SLF2: variants seen among roughly 807,000 people sequenced by gnomAD.
SLF2 encodes the protein SMC5-SMC6 complex localization factor protein 2.
A neutral mutation model predicts 124.3 loss-of-function variants in SLF2; 68 were observed. The ratio of observed to expected loss-of-function variants is 0.55; its 90% confidence interval spans 0.45 to 0.67. The LOEUF (loss-of-function observed/expected upper bound fraction) is 0.67, where lower values mean the gene tolerates loss of function less well. Ranked by LOEUF, SLF2 falls within the 30% of genes least tolerant of loss-of-function variation. The pLI, the probability that SLF2 is intolerant of heterozygous loss-of-function variation, is 0.00. For synonymous variants in SLF2, 480 were observed against 478.8 expected, an observed-to-expected ratio of 1.00 and a Z score of -0.03; for missense variants, 1,246 against 1,373.7, an observed-to-expected ratio of 0.91 and a Z score of 1.47.
At chr10:100,931,282 C>T (rs1178608615) in intron 9 of SLF2, among the ~76,000 whole-genome samples, 1 of 152,184 alleles carries the variant, frequency 6.6e-6, no homozygotes, top group African/African-American at 2.4e-5. Flanking sequence ...ACAGGACAGT[C>T]AGTGTTAGTT....
In SLF2 at chr10:100,931,085, G is replaced by A. The variant is rs752672211; in HGVS notation, c.2436+7G>A. The A allele has an allele frequency of 6.2e-7, 1 of 1,602,420 alleles. No individual in the cohort carries two copies. Among genetic ancestry groups the A allele is most frequent in the South Asian group, 1.1e-5 (1 of 90,338 alleles). On this transcript the variant is annotated splice_region_variant and intron_variant, in intron 9 of 19. Transcript: ENST00000238961. ...GTTAAAGTGGCTGTTTCGGGTAAGAGGAATGTTTAGAGGGTTATAGTTGCC... is the reference window on the plus strand; with the variant it reads ...GTTAAAGTGGCTGTTTCGGGTAAGAAGAATGTTTAGAGGGTTATAGTTGCC...
In SLF2 at chr10:100,962,837, G is replaced by GTGTA. The variant is rs1330859463; in HGVS notation, c.*929_*932dup. On this transcript the variant is annotated 3_prime_UTR_variant, in exon 20 of 20. Transcript: ENST00000238961. The stretch of plus-strand genomic sequence containing the variant: ...CTGAATTCTTTGGGACACTGTGTCT[G>GTGTA]TGTATGTGTGTGTGTGTGTGTGTGT... The GTGTA allele has an allele frequency of 8.1e-5, 12 of 148,902 alleles. No homozygotes were observed. Among genetic ancestry groups the GTGTA allele is most frequent in the African/African-American group, 2.3e-4 (9 of 38,850 alleles). 9.2% of individuals were successfully genotyped at this position (148,902 alleles called of 1,614,324 possible).
At chr10:100,950,810 A>G in intron 17 of SLF2, 57 bp downstream of exon 17, 1 of 1,332,480 alleles carries the variant, frequency 7.5e-7, no homozygotes, top group Non-Finnish European at 1.1e-6. Flanking sequence ...CTGATGATGG[A>G]ATGAGTGAGC....
At chr10:100,949,958 TGTAAA>T (rs1850178574) in intron 15 of SLF2, 113 bp from the exon 16 acceptor site, 1 of 1,004,324 alleles carries the variant, frequency 1.0e-6, no homozygotes. Context: ...TATTGTTAAG[TGTAAA>T]GAAAGCTATA....
chr10:100,944,069 T>A lies in SLF2; in HGVS notation c.2698T>A (p.Ser900Thr). The A allele has an allele frequency of 6.2e-7, 1 of 1,613,066 alleles. No individual in the cohort carries two copies. Among genetic ancestry groups the A allele is most frequent in the Non-Finnish European group, 8.5e-7 (1 of 1,179,658 alleles). ...TTSRGKESED[S>T]SYKPIFSTLP... is the part of the protein sequence containing the mutation. Reference sequence around the variant, plus strand: ...ATCAAGGGGGAAAGAAAGTGAAGATTCATCTTATAAGCCAATTTTTTCAAC... The same window carrying A: ...ATCAAGGGGGAAAGAAAGTGAAGATACATCTTATAAGCCAATTTTTTCAAC... The change falls in exon 12 of 20, where the codon TCA (serine) becomes ACA (threonine). Residue 900 changes from serine (S) to threonine (T), a missense_variant. Physicochemically the swap from Ser to Thr is moderately conservative, Grantham distance 58 (BLOSUM62 1). This residue lies in a region of SLF2 where 535 missense variants were observed against 632.8 expected (regional missense o/e 0.85). Coordinates refer to ENST00000238961, the MANE Select transcript of SLF2 (RefSeq NM_018121.4).
At position 100,950,540 on chromosome 10, in the gene SLF2, G is replaced by C; in HGVS notation, c.3253-136G>C. The C allele has an allele frequency of 4.2e-6, 3 of 721,272 alleles. No homozygotes were observed. In the South Asian group the frequency reaches 5.8e-5, roughly 14 times the overall value. The allele number at this position is 721,272 out of a possible 1,614,324, so 44.7% of individuals were successfully genotyped here. A position where few individuals can be genotyped will look rare whatever the true frequency, so the allele number is the denominator to read the frequency against. On this transcript the variant is annotated intron_variant, in intron 16 of 19. Coordinates refer to ENST00000238961, the MANE Select transcript of SLF2 (RefSeq NM_018121.4). ...TGAGAAAGCCTAGTTTAGATGCTTC[G>C]CTTTTACTTACTGACCAGCTGGGTT...
At chr10:100,935,528 C>A (rs1849829222) in intron 9 of SLF2, among the ~76,000 whole-genome samples, 1 of 151,488 alleles carries the variant, frequency 6.6e-6, no homozygotes, top group African/African-American at 2.4e-5. Context: ...TGGAGAAACC[C>A]GTCTCTAGCC....
intron 17 of SLF2, among the ~76,000 whole-genome samples, chr10:100,951,341 G>A (rs1850210241): frequency 6.6e-6 from 1 of 152,220 alleles, no homozygotes; most frequent in Non-Finnish European, 1.5e-5. Context: ...ATATTCATAA[G>A]ATACCAACAT....
chr10:100,913,040 G>A lies in SLF2; in HGVS notation c.-71G>A, dbSNP rs1028872683. The stretch of plus-strand genomic sequence containing the variant: ...GCTCCGACAGCCTCCCGGAGTCCCA[G>A]CAGCAAGACGGCAACCACGCACCCA... On this transcript the variant is annotated 5_prime_UTR_variant, in exon 1 of 20. Coordinates refer to ENST00000238961, the MANE Select transcript of SLF2 (RefSeq NM_018121.4). The A allele has an allele frequency of 1.3e-6, 2 of 1,554,218 alleles. No individual in the cohort carries two copies. Among genetic ancestry groups the A allele is most frequent in the East Asian group, 2.3e-5 (1 of 43,940 alleles).
chr10:100,947,684 C>G, intron 14 of SLF2, 76 bp from the exon 15 acceptor site: 1 of 1,008,030 alleles, frequency 9.9e-7, no homozygotes, highest in Non-Finnish European at 1.5e-6. Context: ...ACTAGAGCTC[C>G]TCTTGGCTCA....
chr10:100,937,618 G>GTTT, intron 10 of SLF2, 141 bp downstream of exon 10: 1 of 535,164 alleles, frequency 1.9e-6, no homozygotes, highest in Non-Finnish European at 3.2e-6. Context: ...GTTTTTTTTG[G>GTTT]TTTTTTTTTT....
Position 100,950,824 on chromosome 10 carries a change from C to CT in SLF2, c.3330+74dup, listed in dbSNP as rs1293318229. The CT allele has an allele frequency of 1.1e-5, 13 of 1,212,178 alleles. 1 individual carries two copies. Among genetic ancestry groups the CT allele is most frequent in the Non-Finnish European group, 1.6e-5 (13 of 821,746 alleles). 75.1% of individuals were successfully genotyped at this position (1,212,178 alleles called of 1,614,324 possible). A position where few individuals can be genotyped will look rare whatever the true frequency, so the allele number is the denominator to read the frequency against. On this transcript the variant is annotated intron_variant, in intron 17 of 19. Transcript: ENST00000238961. ...ACTGATGATGGAATGAGTGAGCATGCTTTATATAGGAGAAAACTATGTAAA... is the reference window on the plus strand; with the variant it reads ...ACTGATGATGGAATGAGTGAGCATGCTTTTATATAGGAGAAAACTATGTAAA...
chr10:100,936,432 C>T (rs1169959621), intron 9 of SLF2, among the ~76,000 whole-genome samples: 1 of 152,090 alleles, frequency 6.6e-6, no homozygotes, highest in African/African-American at 2.4e-5. Flanking sequence ...CTCCCGGGTT[C>T]ACACCATTCC....
chr10:100,923,808 T>C (rs1849560617), intron 4 of SLF2, among the ~76,000 whole-genome samples, 167 bp from the exon 5 acceptor site: 1 of 152,194 alleles, frequency 6.6e-6, no homozygotes, highest in African/African-American at 2.4e-5. Flanking sequence ...CACCAGTATT[T>C]ATCCAGTTGA....
At chr10:100,939,128 CTA>C (rs978689759) in intron 11 of SLF2, among the ~76,000 whole-genome samples, 26 of 152,148 alleles carry the variant, frequency 1.7e-4, no homozygotes, top group African/African-American at 6.0e-4. Context: ...AGGTGAAAAA[CTA>C]TGACAAATAA....
At chr10:100,922,178 A>G (rs1200717171) in intron 4 of SLF2, among the ~76,000 whole-genome samples, 1 of 152,174 alleles carries the variant, frequency 6.6e-6, no homozygotes, top group Non-Finnish European at 1.5e-5. Flanking sequence ...CACGGGGCTC[A>G]AGCAGTCCTC....
chr10:100,945,108 G>A (rs1250055011), intron 12 of SLF2, among the ~76,000 whole-genome samples: 1 of 151,960 alleles, frequency 6.6e-6, no homozygotes, highest in Non-Finnish European at 1.5e-5. Context: ...CAGTGATACA[G>A]AACCATTAAG....
At chr10:100,932,718 T>C (rs12217248) in intron 9 of SLF2, among the ~76,000 whole-genome samples, 653 of 21,116 alleles carry the variant, frequency 0.031, 4 homozygotes, top group African/African-American at 0.075. Context: ...TGTGTGTGTG[T>C]GTGCGCGCGC....
rs745950478 is a variant in SLF2, at chr10:100,917,232, T to C, written c.847T>C (p.Tyr283His). 1.2e-6 allele frequency: 2 copies of C among 1,613,670 alleles called. No homozygotes were observed. The highest frequency in any genetic ancestry group is 1.3e-5 in the African/African-American group (1 of 74,870). The change falls in exon 3 of 20, where the codon TAT (tyrosine) becomes CAT (histidine). Residue 283 changes from tyrosine to histidine, a missense_variant. Coordinates refer to ENST00000238961, the MANE Select transcript of SLF2 (RefSeq NM_018121.4). ...LSLKSSIERKYKPRQEQRKQN... is the reference protein window; with the variant it reads ...LSLKSSIERKHKPRQEQRKQN... ...CTTAAAATCTAGTATAGAAAGAAAA[T>C]ATAAACCAAGGCAGGAACAAAGGAA...
Sources: allele counts gnomAD v4.1 joint callset (sites outside exome capture counted in the v4.1 genomes callset), GRCh38; gene constraint gnomAD v4.1.1; regional missense constraint gnomAD v4.1.1; transcripts MANE v1.5; gene names NCBI Gene and HGNC (gene_info 2026-07-23, HGNC 2026-07-21).